Variants in TRPV1 observed in about 807,000 individuals in gnomAD.
The protein encoded by TRPV1 is OTRPC1.
TRPV1 carries 82 observed loss-of-function variants against 82.3 expected under a neutral mutation model. The ratio of observed to expected loss-of-function variants is 1.00; its 90% CI spans 0.83 to 1.20. The LOEUF (loss-of-function observed/expected upper bound fraction) is 1.20, where lower values mean the gene tolerates loss of function less well. TRPV1 is among the 50% of genes most tolerant of loss of function. The pLI is 0.00. For synonymous variants in TRPV1, 515 were observed against 467.7 expected (o/e 1.10, Z -1.30); for missense variants, 1,067 against 1,096.8 (o/e 0.97, Z 0.38).
At chr17:3,580,008 C>T (rs1052097746) in intron 11 of TRPV1, among the ~76,000 whole-genome samples, 8 of 147,134 alleles carry the variant, frequency 5.4e-5, no homozygotes, top group East Asian at 4.2e-4. Context: ...ATATACTCTA[C>T]GATGCACAGG....
chr17:3,579,749 T>G (rs1475962633), intron 11 of TRPV1, among the ~76,000 whole-genome samples: 1 of 152,194 alleles, frequency 6.6e-6, no homozygotes, highest in African/African-American at 2.4e-5. Context: ...GTGCTGGGAT[T>G]ACAGGCGTGA....
chr17:3,590,129 G>A, intron 6 of TRPV1, 24 bp from the exon 7 acceptor site: 1 of 1,592,612 alleles, frequency 6.3e-7, no homozygotes, highest in Non-Finnish European at 8.6e-7. Context: ...GGGCCCAGGT[G>A]GGCCTCAGGA....
At chr17:3,608,260 T>C (rs2075311916) in intron 2 of TRPV1, 167 bp downstream of exon 2, 1 of 151,854 alleles carries the variant, frequency 6.6e-6, no homozygotes, top group Admixed American at 6.6e-5. Flanking sequence ...TTCTTTTTCT[T>C]TAGAATTTCA....
intron 13 of TRPV1, among the ~76,000 whole-genome samples, chr17:3,576,688 T>TATATATGC (rs1555549476): frequency 3.0e-5 from 3 of 99,312 alleles, no homozygotes; most frequent in African/African-American, 1.0e-4. Flanking sequence ...TATATATATA[T>TATATATGC]ATGCATAAAA....
At position 3,577,138 on chromosome 17, in the gene TRPV1, C is replaced by T. The variant is rs2074943455; in HGVS notation, c.1768G>A (p.Gly590Arg). 2 of 1,586,774 alleles carry T rather than the reference C, an allele frequency of 1.3e-6. No homozygotes were observed. The highest frequency in any genetic ancestry group is 8.6e-7 in the Non-Finnish European group (1 of 1,166,928). Residue 590 changes from glycine to arginine, a missense_variant, in exon 13 of 17, where the codon GGG becomes AGG. By Grantham distance (125) the Gly-to-Arg change is moderately radical. Transcript: ENST00000572705. ...FMFVYIVFLF[G>R]FSTAVVTLIE... ...CCAAGCTCATTACCTGTGGAAAACCCGAACAAGAAGACGATGTAGACAAAC... is the reference window on the plus strand; with the variant it reads ...CCAAGCTCATTACCTGTGGAAAACCTGAACAAGAAGACGATGTAGACAAAC...
At chr17:3,604,362 C>T (rs1193857872) in intron 2 of TRPV1, among the ~76,000 whole-genome samples, 1 of 152,154 alleles carries the variant, frequency 6.6e-6, no homozygotes, top group Non-Finnish European at 1.5e-5. Flanking sequence ...CTTTGGGAGG[C>T]TGAGGCGGGC....
At position 3,573,791 on chromosome 17, in the gene TRPV1, C is replaced by G; in HGVS notation, c.1945G>C (p.Glu649Gln). ...FKFTIGMGDL[E>Q]FTENYDFKAV... ...TTGAAGTCATAGTTCTCAGTGAACT[C>G]CAGGTCGCCCATGCCGATGGTGAAC... Residue 649 changes from glutamate (E) to glutamine (Q), a missense_variant, in exon 14 of 17, where the codon GAG becomes CAG. Coordinates refer to ENST00000572705, the MANE Select transcript of TRPV1 (RefSeq NM_080704.4). 1 of 1,613,890 alleles carries G rather than the reference C, an allele frequency of 6.2e-7. No homozygotes were observed. Among genetic ancestry groups the G allele is most frequent in the Non-Finnish European group, 8.5e-7 (1 of 1,179,906 alleles).
chr17:3,602,932 G>A (rs1429401557), intron 2 of TRPV1, among the ~76,000 whole-genome samples: 1 of 152,054 alleles, frequency 6.6e-6, no homozygotes, highest in Non-Finnish European at 1.5e-5. Context: ...GACCAGCCTG[G>A]CCAACATGGA....
chr17:3,597,370 AT>A (rs1300965757), intron 2 of TRPV1, among the ~76,000 whole-genome samples: 3 of 152,120 alleles, frequency 2.0e-5, no homozygotes, highest in Admixed American at 1.3e-4. Context: ...CACAAATGAC[AT>A]TCACAACCAG....
At chr17:3,576,237 G>A (rs1349752436) in intron 13 of TRPV1, among the ~76,000 whole-genome samples, 1 of 151,386 alleles carries the variant, frequency 6.6e-6, no homozygotes, top group Non-Finnish European at 1.5e-5. Flanking sequence ...ATAATTAATG[G>A]CCAGGCACTG....
intron 2 of TRPV1, among the ~76,000 whole-genome samples, chr17:3,606,125 ATT>A (rs1168516333): frequency 6.6e-6 from 1 of 151,894 alleles, no homozygotes. Flanking sequence ...TGCCCGGCTA[ATT>A]TTTTTGTATT....
At chr17:3,585,612 A>G (rs1210051378) in intron 9 of TRPV1, 156 bp downstream of exon 9, 2 of 874,936 alleles carry the variant, frequency 2.3e-6, no homozygotes, top group African/African-American at 3.4e-5. Context: ...GCGCAGGGAT[A>G]CGAGGTTCTC....
chr17:3,573,548 C>CCCCCCCCCCCCCCCCCCCCTAAA, intron 14 of TRPV1, 85 bp downstream of exon 14: 1 of 411,100 alleles, frequency 2.4e-6, no homozygotes, highest in Non-Finnish European at 3.6e-6. Flanking sequence ...ACCACCCACC[C>CCCCCCCCCCCCCCCCCCCCTAAA]ACCTGCAGCC....
In TRPV1 at chr17:3,580,492, C is replaced by CT; in HGVS notation, c.1511dup (p.Thr505AspfsTer9). On this transcript the variant is annotated frameshift_variant, in exon 11 of 17. Coordinates refer to ENST00000572705, the MANE Select transcript of TRPV1 (RefSeq NM_080704.4). LOFTEE classifies it high-confidence loss of function. ...CACTGTAGCTGTCCACAAACAGGGT[C>CT]TTCATCGACGGCCGCCTCTGCAGGA... 1 of 1,614,030 alleles carries CT rather than the reference C, an allele frequency of 6.2e-7. No homozygotes were observed. Among genetic ancestry groups the CT allele is most frequent in the South Asian group, 1.1e-5 (1 of 91,092 alleles).
chr17:3,571,663 G>A (rs1046001039), intron 15 of TRPV1, 24 bp from the exon 16 acceptor site: 2 of 1,566,854 alleles, frequency 1.3e-6, no homozygotes, highest in Non-Finnish European at 1.7e-6. Flanking sequence ...GGTCGGGAGA[G>A]CCTGAGAGCT....
At chr17:3,590,638 C>T (rs988248579) in intron 5 of TRPV1, among the ~76,000 whole-genome samples, 1 of 152,106 alleles carries the variant, frequency 6.6e-6, no homozygotes, top group African/African-American at 2.4e-5. Context: ...TCAAAATTGC[C>T]CCGGGGGCAA....
chr17:3,584,485 T>C (rs2075060633), intron 9 of TRPV1, among the ~76,000 whole-genome samples: 1 of 150,580 alleles, frequency 6.6e-6, no homozygotes, highest in Non-Finnish European at 1.5e-5. Context: ...TTCATGCAAT[T>C]ATGAAGTTGA....
intron 13 of TRPV1, among the ~76,000 whole-genome samples, chr17:3,575,461 C>T (rs377097026): frequency 1.1e-4 from 17 of 148,266 alleles, no homozygotes; most frequent in East Asian, 6.0e-4. Context: ...CCAGCCTGGG[C>T]GACAGACAGA....
chr17:3,597,603 C>T (rs1295340578), intron 2 of TRPV1, among the ~76,000 whole-genome samples: 1 of 151,800 alleles, frequency 6.6e-6, no homozygotes, highest in East Asian at 1.9e-4. Context: ...CAGCCAGGTC[C>T]CAGCCTTTCT....
Sources: gnomAD v4.1 joint callset for allele counts (sites outside exome capture counted in the v4.1 genomes callset) on GRCh38, gnomAD v4.1.1 for gene constraint, MANE v1.5 for transcripts, NCBI Gene and HGNC (gene_info 2026-07-23, HGNC 2026-07-21) for gene names.